Variants in ST8SIA4 observed in about 807,000 individuals in gnomAD.
ST8SIA4 encodes the protein ST8 alpha-N-acetyl-neuraminide alpha-2,8-sialyltransferase 4.
ST8SIA4 carries 15 observed loss-of-function variants against 33.9 expected under a neutral mutation model. That is an observed-to-expected ratio of 0.44 (90% CI 0.30 to 0.68). The LOEUF (loss-of-function observed/expected upper bound fraction) is 0.68, where lower values mean the gene tolerates loss of function less well. Ranked by LOEUF, ST8SIA4 falls within the 30% of genes least tolerant of loss-of-function variation. The pLI, the probability that ST8SIA4 is intolerant of heterozygous loss-of-function variation, is 0.10. For missense variants in ST8SIA4, 321 were observed against 428.0 expected (o/e 0.75, Z 2.21); for synonymous variants, 171 against 151.2 (o/e 1.13, Z -0.96).
intron 3 of ST8SIA4, among the ~76,000 whole-genome samples, chr5:100,866,645 A>T (rs980404718): frequency 1.2e-4 from 18 of 151,916 alleles, no homozygotes; most frequent in Admixed American, 3.9e-4. Context: ...ACACACACAT[A>T]TACATAAACT....
intron 3 of ST8SIA4, among the ~76,000 whole-genome samples, chr5:100,875,487 C>T (rs557387427): frequency 3.9e-4 from 60 of 152,142 alleles, no homozygotes; most frequent in Non-Finnish European, 7.2e-4. Flanking sequence ...CTCTTTCAAA[C>T]ATTCTATTAG....
In ST8SIA4 at chr5:100,820,376, T is replaced by A. The variant is rs1056143258; in HGVS notation, c.798-8247A>T. ...CATCCCTACTGAAAAACTTACAATATAATTTCCACTTTCCTGTAACACTTG... is the reference window on the plus strand; with the variant it reads ...CATCCCTACTGAAAAACTTACAATAAAATTTCCACTTTCCTGTAACACTTG... On this transcript the variant is annotated intron_variant, in intron 4 of 4. Transcript: ENST00000231461. Among the ~76,000 whole-genome samples the A allele has an allele frequency of 4.6e-5, 7 of 152,144 alleles. No individual in the cohort carries two copies. In the South Asian group the frequency reaches 1.4e-3, roughly 31 times the overall value.
chr5:100,885,697 A>G (rs1218484746), intron 3 of ST8SIA4: 2 of 942,110 alleles, frequency 2.1e-6, no homozygotes, highest in Non-Finnish European at 2.5e-6. Context: ...TTCCATTTCT[A>G]CTGTTGAGTT....
intron 3 of ST8SIA4, among the ~76,000 whole-genome samples, chr5:100,865,759 C>A (rs1752048617): frequency 6.6e-6 from 1 of 152,082 alleles, no homozygotes; most frequent in Admixed American, 6.5e-5. Context: ...TCTTGGTCAT[C>A]AAATTCTGCC....
At chr5:100,860,272 T>C (rs1751908269) in intron 3 of ST8SIA4, among the ~76,000 whole-genome samples, 1 of 152,188 alleles carries the variant, frequency 6.6e-6, no homozygotes, top group Admixed American at 6.5e-5. Context: ...TCCCACTGTG[T>C]TGCTTCCTGT....
intron 4 of ST8SIA4, among the ~76,000 whole-genome samples, chr5:100,818,421 T>C (rs974774016): frequency 3.9e-5 from 6 of 152,158 alleles, no homozygotes; most frequent in Admixed American, 6.5e-5. Context: ...ACTTTTCTCA[T>C]GTACACTCTC....
chr5:100,820,946 A>G (rs1485389407), intron 4 of ST8SIA4, among the ~76,000 whole-genome samples: 1 of 152,114 alleles, frequency 6.6e-6, no homozygotes, highest in East Asian at 1.9e-4. Flanking sequence ...TTTTCTTTTA[A>G]TCCATTACTA....
chr5:100,858,545 C>A (rs1246625040), intron 3 of ST8SIA4, among the ~76,000 whole-genome samples: 1 of 151,962 alleles, frequency 6.6e-6, no homozygotes, highest in African/African-American at 2.4e-5. Flanking sequence ...CATCCCACCC[C>A]CTATCCGTAT....
intron 1 of ST8SIA4, among the ~76,000 whole-genome samples, chr5:100,900,934 G>A (rs1228865377): frequency 2.0e-5 from 3 of 152,196 alleles, no homozygotes; most frequent in African/African-American, 4.8e-5. Context: ...TTACTCAAGC[G>A]CCTGCCCCAA....
intron 4 of ST8SIA4, among the ~76,000 whole-genome samples, chr5:100,839,784 A>G (rs1751435730): frequency 6.6e-6 from 1 of 151,870 alleles, no homozygotes; most frequent in South Asian, 2.1e-4. Flanking sequence ...ATGCTATTAT[A>G]AAGATACACT....
intron 4 of ST8SIA4, among the ~76,000 whole-genome samples, chr5:100,813,205 G>A (rs1331166935): frequency 1.3e-5 from 2 of 151,804 alleles, no homozygotes; most frequent in Non-Finnish European, 2.9e-5. Flanking sequence ...AATACATCTA[G>A]AGTACTGAGT....
intron 3 of ST8SIA4, among the ~76,000 whole-genome samples, chr5:100,866,140 A>G (rs1420918345): frequency 1.3e-5 from 2 of 152,136 alleles, no homozygotes; most frequent in Non-Finnish European, 2.9e-5. Flanking sequence ...GCTGTCTTGT[A>G]TTCATTGACA....
chr5:100,849,437 T>G, intron 4 of ST8SIA4: 1 of 985,350 alleles, frequency 1.0e-6, no homozygotes, highest in Non-Finnish European at 1.2e-6. Context: ...CTCTTTAAAA[T>G]CAAGAAAATT....
At chr5:100,864,531 C>T (rs1443776203) in intron 3 of ST8SIA4, among the ~76,000 whole-genome samples, 2 of 142,058 alleles carry the variant, frequency 1.4e-5, no homozygotes, top group African/African-American at 2.7e-5. Context: ...GCCGAGATTA[C>T]GCCACTGGAC....
At chr5:100,849,405 CTTAG>C (rs772012284) in intron 4 of ST8SIA4, 45 of 985,356 alleles carry the variant, frequency 4.6e-5, no homozygotes, top group African/African-American at 1.2e-4. Context: ...CGTCAGTGTT[CTTAG>C]TTAGAATTGT....
chr5:100,893,426 C>A (rs188068023), intron 2 of ST8SIA4, among the ~76,000 whole-genome samples: 22 of 152,102 alleles, frequency 1.4e-4, no homozygotes, highest in African/African-American at 4.8e-4. Flanking sequence ...TTGTTTATTT[C>A]TTTAATCTGT....
intron 4 of ST8SIA4, among the ~76,000 whole-genome samples, chr5:100,818,740 C>T (rs1431803407): frequency 6.6e-6 from 1 of 151,972 alleles, no homozygotes; most frequent in African/African-American, 2.4e-5. Flanking sequence ...ACAGACAATA[C>T]TTTATCAAAC....
At chr5:100,852,455 AT>A (rs1751725785) in intron 4 of ST8SIA4, among the ~76,000 whole-genome samples, 1 of 139,606 alleles carries the variant, frequency 7.2e-6, no homozygotes, top group Non-Finnish European at 1.6e-5. Context: ...AAAAAAAAAA[AT>A]ACAAAATGTT....
chr5:100,818,640 A>G (rs1750979273), intron 4 of ST8SIA4, among the ~76,000 whole-genome samples: 1 of 152,168 alleles, frequency 6.6e-6, no homozygotes, highest in African/African-American at 2.4e-5. Flanking sequence ...TTTTTTTTCT[A>G]TGTGCCCTTT....
Sources: allele counts gnomAD v4.1 joint callset (sites outside exome capture counted in the v4.1 genomes callset), GRCh38; gene constraint gnomAD v4.1.1; transcripts MANE v1.5; gene names NCBI Gene and HGNC (gene_info 2026-07-23, HGNC 2026-07-21).